The following VWA3A variants were observed in gnomAD, a reference collection of about 807,000 sequenced individuals.
VWA3A encodes von Willebrand factor A domain-containing protein 3A.
Under a neutral mutation model 160.4 loss-of-function variants are expected in VWA3A, and 134 were observed. The ratio of observed to expected loss-of-function variants is 0.84; its 90% CI spans 0.73 to 0.96. The LOEUF is 0.96. Among genes scored for constraint, VWA3A ranks in the 40% least tolerant of loss-of-function variants. VWA3A has a pLI of 0.00. For missense variants in VWA3A, 1,310 were observed against 1,447.9 expected (o/e 0.90, Z 1.55); for synonymous variants, 476 against 543.4 (o/e 0.88, Z 1.72).
intron 7 of VWA3A, among the ~76,000 whole-genome samples, chr16:22,109,939 T>C (rs114181598): frequency 1.0e-3 from 156 of 152,286 alleles, no homozygotes; most frequent in African/African-American, 3.6e-3. Context: ...CTGGTTTCTT[T>C]GGAGTTATGG....
At chr16:22,116,351 AAAGGAAGGAAAG>A in intron 9 of VWA3A, 1 of 445,920 alleles carries the variant, frequency 2.2e-6, no homozygotes, top group South Asian at 1.6e-5. Flanking sequence ...AGAAAAAAGA[AAAGGAAGGAAAG>A]AAGGAAGAGA....
chr16:22,109,650 C>T, intron 7 of VWA3A, 70 bp downstream of exon 7: 3 of 1,373,214 alleles, frequency 2.2e-6, no homozygotes, highest in Non-Finnish European at 3.1e-6. Flanking sequence ...CCTGAGCTTG[C>T]TGACGAGCTT....
At chr16:22,100,964 CAAAA>C (rs59096934) in intron 5 of VWA3A, among the ~76,000 whole-genome samples, 9 of 60,784 alleles carry the variant, frequency 1.5e-4, no homozygotes, top group East Asian at 5.8e-4. Flanking sequence ...GACCCTGTCT[CAAAA>C]AAAAAAAAAA....
chr16:22,109,537 T>C lies in VWA3A; in HGVS notation c.539T>C (p.Ile180Thr), dbSNP rs1176934717. 1 of 1,613,424 alleles carries C rather than the reference T, an allele frequency of 6.2e-7. No individual in the cohort carries two copies. Among genetic ancestry groups the C allele is most frequent in the African/African-American group, 1.3e-5 (1 of 74,894 alleles). ...RVSILIDVSA[I>T]SSGPQKEEFQ... ...AGCATCCTCATAGATGTGTCAGCCA[T>C]CAGCAGTGGCCCTCAGAAAGAAGAG... is the stretch of plus-strand genomic sequence containing the variant. The change falls in exon 7 of 34, where the codon ATC (isoleucine) becomes ACC (threonine). Residue 180 changes from isoleucine (I) to threonine (T), a missense_variant. Transcript: ENST00000389398.
At chr16:22,147,623 C>A in intron 27 of VWA3A, 2 of 703,258 alleles carry the variant, frequency 2.8e-6, no homozygotes, top group South Asian at 1.5e-5. Flanking sequence ...ACAGGGGCGT[C>A]ATGATGACTG....
At chr16:22,117,296 C>G (rs977228734) in intron 11 of VWA3A, 120 bp downstream of exon 11, 3 of 1,068,858 alleles carry the variant, frequency 2.8e-6, no homozygotes, top group Non-Finnish European at 4.1e-6. Flanking sequence ...TCTCCTTGTC[C>G]CCACCTGTAT....
intron 31 of VWA3A, among the ~76,000 whole-genome samples, chr16:22,153,062 A>G (rs1332981235): frequency 6.6e-6 from 1 of 152,158 alleles, no homozygotes; most frequent in African/African-American, 2.4e-5. Context: ...GAATACACCT[A>G]AAGCTGGGCA....
chr16:22,138,329 G>GGTGCCACT, intron 21 of VWA3A, 31 bp from the exon 22 acceptor site: 1 of 1,560,458 alleles, frequency 6.4e-7, no homozygotes. Flanking sequence ...AGTGGCTGGG[G>GGTGCCACT]GTGCCACTGA....
chr16:22,093,112 C>A (rs1901393918), intron 1 of VWA3A, among the ~76,000 whole-genome samples: 2 of 152,080 alleles, frequency 1.3e-5, no homozygotes, highest in Admixed American at 1.3e-4. Context: ...GCTCTGAGTG[C>A]ATTTATTCAA....
chr16:22,146,471 A>G (rs536413330), intron 27 of VWA3A, 127 bp downstream of exon 27: 2 of 737,082 alleles, frequency 2.7e-6, no homozygotes, highest in Non-Finnish European at 4.4e-6. Context: ...GGATTAGGCC[A>G]GGAACATCAT....
intron 9 of VWA3A, among the ~76,000 whole-genome samples, chr16:22,115,819 A>C (rs1464734019): frequency 6.9e-6 from 1 of 145,142 alleles, no homozygotes; most frequent in East Asian, 2.0e-4. Flanking sequence ...CCTGGGCAAC[A>C]GAGTGAGACC....
rs773912028 is a variant in VWA3A at position 22,119,041 on chromosome 16, G to C, written c.1116+14G>C. 6.3e-7 allele frequency: 1 copy of C among 1,598,060 alleles called. No homozygotes were observed. Among genetic ancestry groups the C allele is most frequent in the South Asian group, 1.1e-5 (1 of 89,092 alleles). ...ACCATGGAGGAGGTAGGTGGTGCGA[G>C]TGTCAATTCTGGGGCCTTCTCCCAG... On this transcript the variant is annotated intron_variant, in intron 12 of 33. Coordinates refer to ENST00000389398, the MANE Select transcript of VWA3A (RefSeq NM_173615.5).
In VWA3A at chr16:22,144,284, A is replaced by C. The variant is rs752773088; in HGVS notation, c.2630A>C (p.Glu877Ala). The C allele has an allele frequency of 5.3e-5, 85 of 1,613,340 alleles. 2 individuals carry two copies. The Admixed American group carries it at 1.4e-3, about 26-fold the overall frequency. Reference sequence around the variant, plus strand: ...TATGGGCTCAAAAAATTGAAGCTGGAGATTTCCAGATGCATGGGTCCCAAC... The same window carrying C: ...TATGGGCTCAAAAAATTGAAGCTGGCGATTTCCAGATGCATGGGTCCCAAC... ...AKYGLKKLKLEISRCMGPNCT... is the reference protein window; with the variant it reads ...AKYGLKKLKLAISRCMGPNCT... The change falls in exon 26 of 34, where the codon GAG (glutamate) becomes GCG (alanine). Residue 877 changes from glutamate to alanine, a missense_variant. Transcript: ENST00000389398.
chr16:22,115,457 C>G lies in VWA3A; in HGVS notation c.800C>G (p.Ala267Gly). The G allele has an allele frequency of 6.2e-7, 1 of 1,606,944 alleles. No homozygotes were observed. Among genetic ancestry groups the G allele is most frequent in the Non-Finnish European group, 8.5e-7 (1 of 1,177,360 alleles). ...FTLKGLDSLV[A>G]IMRSCPDQPS... Reference sequence around the variant, plus strand: ...CTCAAGGGACTGGATTCCCTGGTGGCCATCATGAGAAGCTGGTAGGTCTTC... The same window carrying G: ...CTCAAGGGACTGGATTCCCTGGTGGGCATCATGAGAAGCTGGTAGGTCTTC... The change falls in exon 9 of 34, where the codon GCC becomes GGC. Residue 267 changes from alanine (A) to glycine (G), a missense_variant. Coordinates refer to ENST00000389398, the MANE Select transcript of VWA3A (RefSeq NM_173615.5).
chr16:22,138,642 G>A (rs1196266907), intron 22 of VWA3A, 130 bp downstream of exon 22: 2 of 1,278,384 alleles, frequency 1.6e-6, no homozygotes. Flanking sequence ...TGTCCTGTGG[G>A]TGCCTCTTGC....
At chr16:22,093,407 G>A (rs773592040) in intron 1 of VWA3A, among the ~76,000 whole-genome samples, 2 of 152,164 alleles carry the variant, frequency 1.3e-5, no homozygotes, top group Admixed American at 6.5e-5. Flanking sequence ...TGCTGTTTGA[G>A]TTAAGGTACT....
intron 20 of VWA3A, among the ~76,000 whole-genome samples, chr16:22,133,492 A>G (rs1331635245): frequency 1.3e-5 from 2 of 151,896 alleles, no homozygotes; most frequent in Non-Finnish European, 2.9e-5. Context: ...TTAAAAATAC[A>G]AAAAAATTAG....
At chr16:22,096,350 T>C (rs1280996689) in intron 1 of VWA3A, among the ~76,000 whole-genome samples, 1 of 152,150 alleles carries the variant, frequency 6.6e-6, no homozygotes, top group Non-Finnish European at 1.5e-5. Flanking sequence ...TATAATCCCA[T>C]GACTTAGGGA....
Position 22,092,737 on chromosome 16 carries a change from A to T in VWA3A, c.14+86A>T, listed in dbSNP as rs1473434298. On this transcript the variant is annotated intron_variant, in intron 1 of 33. Transcript: ENST00000389398. ...ACTAAGCTCTGGACTGAGTGAGAAG[A>T]TCGAGGGAGCTTGGGGTGTGAAGTG... 2.6e-6 allele frequency: 4 copies of T among 1,518,210 alleles called. No homozygotes were observed. In the East Asian group the frequency reaches 7.4e-5, roughly 28 times the overall value. The allele number at this position is 1,518,210 out of a possible 1,614,324, so 94.0% of individuals were successfully genotyped here. A position where few individuals can be genotyped will look rare whatever the true frequency, so the allele number is the denominator to read the frequency against.
Sources: gnomAD v4.1 joint callset for allele counts (sites outside exome capture counted in the v4.1 genomes callset) on GRCh38, gnomAD v4.1.1 for gene constraint, MANE v1.5 for transcripts, NCBI Gene and HGNC (gene_info 2026-07-23, HGNC 2026-07-21) for gene names.